The following GPC5 variants were observed in gnomAD, a reference collection of about 807,000 sequenced individuals.
GPC5 encodes glypican 5.
A neutral mutation model predicts 53.9 loss-of-function variants in GPC5; 47 were observed. The ratio of observed to expected loss-of-function variants is 0.87; its 90% CI spans 0.69 to 1.11. The LOEUF is 1.11. GPC5 is among the 50% of genes most tolerant of loss of function. GPC5 has a pLI of 0.00. For synonymous variants in GPC5, 286 were observed against 263.3 expected (o/e 1.09, Z -0.84); for missense variants, 748 against 713.1 (o/e 1.05, Z -0.56).
intron 5 of GPC5, among the ~76,000 whole-genome samples, chr13:91,787,383 G>A (rs2037896337): frequency 6.6e-6 from 1 of 152,034 alleles, no homozygotes; most frequent in South Asian, 2.1e-4. Context: ...TTTTTATTAT[G>A]AATAGATGTG....
chr13:92,264,075 T>A (rs1473277814), intron 7 of GPC5, among the ~76,000 whole-genome samples: 3 of 152,130 alleles, frequency 2.0e-5, no homozygotes, highest in Non-Finnish European at 4.4e-5. Flanking sequence ...ACATAATTAT[T>A]TGTCATTTAA....
chr13:92,203,492 TCG>T (rs2139063709), intron 7 of GPC5, among the ~76,000 whole-genome samples: 1 of 79,648 alleles, frequency 1.3e-5, no homozygotes, highest in Admixed American at 1.7e-4. Flanking sequence ...TGTGGTGGGG[TCG>T]GGGGAGGGGG....
intron 7 of GPC5, among the ~76,000 whole-genome samples, chr13:92,744,830 A>T (rs1277588733): frequency 3.9e-5 from 6 of 152,010 alleles, no homozygotes; most frequent in South Asian, 2.1e-4. Flanking sequence ...TTATATAGAT[A>T]TATAGCTATA....
At chr13:91,650,273 C>T (rs1167915247) in intron 2 of GPC5, among the ~76,000 whole-genome samples, 1 of 152,098 alleles carries the variant, frequency 6.6e-6, no homozygotes, top group Admixed American at 6.5e-5. Context: ...CATCAATATA[C>T]CCATCTCTCA....
intron 7 of GPC5, among the ~76,000 whole-genome samples, chr13:92,538,443 TTTTCTTTC>T (rs1216580335): frequency 6.6e-5 from 10 of 151,206 alleles, no homozygotes; most frequent in Non-Finnish European, 1.5e-4. Context: ...CCCATTTCTT[TTTTCTTTC>T]TTTCTTTCTT....
chr13:91,600,304 A>G (rs1448440513), intron 2 of GPC5, among the ~76,000 whole-genome samples: 1 of 46,098 alleles, frequency 2.2e-5, no homozygotes. Flanking sequence ...CGTTCATTTT[A>G]CAGAGAGAGA....
intron 7 of GPC5, among the ~76,000 whole-genome samples, chr13:92,479,866 G>A (rs1879285275): frequency 6.6e-6 from 1 of 152,188 alleles, no homozygotes; most frequent in Admixed American, 6.5e-5. Context: ...AGCCTTATGT[G>A]TGTGTATGAT....
intron 7 of GPC5, among the ~76,000 whole-genome samples, chr13:92,472,038 G>A (rs760949618): frequency 6.6e-6 from 1 of 152,086 alleles, no homozygotes; most frequent in Non-Finnish European, 1.5e-5. Context: ...CATGGATGAA[G>A]TATTGTTTTA....
At chr13:92,046,512 A>G (rs1174310945) in intron 6 of GPC5, among the ~76,000 whole-genome samples, 1 of 152,224 alleles carries the variant, frequency 6.6e-6, no homozygotes, top group East Asian at 1.9e-4. Flanking sequence ...TATTCCACCA[A>G]AGGAAACAAA....
chr13:92,020,267 C>A (rs1488292626), intron 6 of GPC5, among the ~76,000 whole-genome samples: 1 of 152,118 alleles, frequency 6.6e-6, no homozygotes, highest in East Asian at 1.9e-4. Flanking sequence ...AGCTTAATTC[C>A]ATCTGCAACT....
chr13:91,764,914 C>T (rs1204748695), intron 5 of GPC5, among the ~76,000 whole-genome samples: 2 of 152,160 alleles, frequency 1.3e-5, no homozygotes, highest in Admixed American at 6.5e-5. Flanking sequence ...ACAGCTGATG[C>T]CCTAGTGCTT....
At chr13:91,863,770 A>G (rs1477321665) in intron 5 of GPC5, among the ~76,000 whole-genome samples, 1 of 152,170 alleles carries the variant, frequency 6.6e-6, no homozygotes, top group Admixed American at 6.5e-5. Context: ...ACTGTGAAGG[A>G]ATAAAAATAG....
intron 7 of GPC5, among the ~76,000 whole-genome samples, chr13:92,732,162 T>G (rs755609834): frequency 2.0e-5 from 3 of 151,486 alleles, no homozygotes; most frequent in Non-Finnish European, 3.0e-5. Context: ...TATTCCTCTC[T>G]TACCACTTTC....
intron 2 of GPC5, among the ~76,000 whole-genome samples, chr13:91,595,576 CT>C (rs1393607423): frequency 7.2e-5 from 11 of 152,144 alleles, no homozygotes; most frequent in Admixed American, 5.2e-4. Flanking sequence ...TCCAAGTTGT[CT>C]TTTTTTAGTT....
chr13:92,816,662 C>A (rs995311019), intron 7 of GPC5, among the ~76,000 whole-genome samples: 8 of 151,886 alleles, frequency 5.3e-5, no homozygotes, highest in African/African-American at 1.9e-4. Flanking sequence ...TCTGAAAATA[C>A]CTTGAAAAGA....
At chr13:91,652,118 C>CAAGACTCCTAG (rs2034726740) in intron 2 of GPC5, among the ~76,000 whole-genome samples, 1 of 151,976 alleles carries the variant, frequency 6.6e-6, no homozygotes, top group African/African-American at 2.4e-5. Flanking sequence ...TAGTGGATGC[C>CAAGACTCCTAG]TGAAACCTCT....
At chr13:92,605,637 C>A (rs980506445) in intron 7 of GPC5, among the ~76,000 whole-genome samples, 16 of 146,466 alleles carry the variant, frequency 1.1e-4, no homozygotes, top group Non-Finnish European at 1.5e-5. Context: ...GGCCGGACTG[C>A]GGACTGCAGT....
chr13:92,163,275 G>T (rs111522073), intron 7 of GPC5, among the ~76,000 whole-genome samples: 58 of 137,576 alleles, frequency 4.2e-4, no homozygotes, highest in African/African-American at 1.8e-3. Context: ...TAGCCTGGCC[G>T]CATGGTGAAA....
At chr13:91,779,109 G>A (rs1050008822) in intron 5 of GPC5, among the ~76,000 whole-genome samples, 47 of 152,174 alleles carry the variant, frequency 3.1e-4, no homozygotes, top group African/African-American at 1.1e-3. Flanking sequence ...TGAAGGTCTA[G>A]GACATTACTG....
Sources: gnomAD v4.1 joint callset for allele counts (sites outside exome capture counted in the v4.1 genomes callset) on GRCh38, gnomAD v4.1.1 for gene constraint, MANE v1.5 for transcripts, NCBI Gene and HGNC (gene_info 2026-07-23, HGNC 2026-07-21) for gene names.